Variants in TULP4 observed in about 807,000 individuals in gnomAD.
TULP4 encodes TUB like protein 4, also known as tubby-related protein 4.
A neutral mutation model predicts 129.0 loss-of-function variants in TULP4; 16 were observed. That is an observed-to-expected ratio of 0.12 (90% CI 0.08 to 0.19). The LOEUF is 0.19. Among genes scored for constraint, TULP4 ranks in the 10% least tolerant of loss-of-function variants. The pLI, the probability that TULP4 is intolerant of heterozygous loss-of-function variation, is 1.00. For synonymous variants in TULP4, 998 were observed against 854.0 expected (o/e 1.17, Z -2.94); for missense variants, 1,842 against 2,059.1 (o/e 0.89, Z 2.04).
chr6:158,471,753 G>C (rs574266730), intron 6 of TULP4, among the ~76,000 whole-genome samples: 1 of 152,304 alleles, frequency 6.6e-6, no homozygotes, highest in Non-Finnish European at 1.5e-5. Flanking sequence ...TGTCCCCACT[G>C]CCAGTTCATT....
chr6:158,293,897 A>G (rs1200912584), intron 1 of TULP4, among the ~76,000 whole-genome samples: 1 of 152,248 alleles, frequency 6.6e-6, no homozygotes, highest in African/African-American at 2.4e-5. Context: ...CAATAGCCAC[A>G]TAACGAGTGG....
At chr6:158,477,986 C>G (rs1443705788) in intron 6 of TULP4, among the ~76,000 whole-genome samples, 1 of 152,142 alleles carries the variant, frequency 6.6e-6, no homozygotes, top group Admixed American at 6.5e-5. Context: ...GGCCACTATC[C>G]TTAGCAAACT....
intron 6 of TULP4, among the ~76,000 whole-genome samples, chr6:158,472,556 G>A (rs595378): frequency 0.42 from 63,593 of 152,002 alleles, 14,605 homozygotes; most frequent in African/African-American, 0.62. Context: ...CTAATGATTC[G>A]AAAATCACAT....
intron 1 of TULP4, among the ~76,000 whole-genome samples, chr6:158,356,602 C>T (rs976222583): frequency 2.0e-5 from 3 of 152,052 alleles, no homozygotes; most frequent in African/African-American, 7.2e-5. Context: ...GTGGTTGGGG[C>T]TTAGGTGGTT....
chr6:158,499,743 G>A (rs926151460), intron 12 of TULP4, among the ~76,000 whole-genome samples: 3 of 152,174 alleles, frequency 2.0e-5, no homozygotes, highest in Non-Finnish European at 4.4e-5. Flanking sequence ...TTCTTGCAGT[G>A]GACATAGAGG....
chr6:158,376,206 A>G (rs967613625), intron 1 of TULP4, among the ~76,000 whole-genome samples: 11 of 152,096 alleles, frequency 7.2e-5, no homozygotes, highest in African/African-American at 2.4e-4. Context: ...AAAAGCGGTA[A>G]CCATTTCTCT....
intron 1 of TULP4, among the ~76,000 whole-genome samples, chr6:158,351,055 T>G (rs1317321230): frequency 6.6e-6 from 1 of 152,108 alleles, no homozygotes; most frequent in Non-Finnish European, 1.5e-5. Context: ...CGCCTGGCCC[T>G]GTTTTGGTCT....
chr6:158,481,114 C>T lies in TULP4; in HGVS notation c.1311C>T (p.Asn437=), dbSNP rs549860418. Residue 437 remains asparagine (N), a synonymous_variant, in exon 8 of 14, where the codon AAC becomes AAT. Coordinates refer to ENST00000367097, the MANE Select transcript of TULP4 (RefSeq NM_020245.5). ...RDFVSYPSAG[N]ERLHCTMKRT... is the part of the protein sequence containing the mutation. ...TTGTCAGCTACCCATCAGCCGGCAA[C>T]GAGCGGCTGCACTGCACCATGAAGC... 6.9e-6 allele frequency: 11 copies of T among 1,600,844 alleles called. No individual in the cohort carries two copies. Among genetic ancestry groups the T allele is most frequent in the South Asian group, 2.2e-5 (2 of 90,636 alleles).
At chr6:158,253,832 C>T (rs766478852) in intron 1 of TULP4, among the ~76,000 whole-genome samples, 7 of 151,996 alleles carry the variant, frequency 4.6e-5, no homozygotes, top group East Asian at 1.9e-4. Flanking sequence ...ATCAGGAGTT[C>T]GAGACCAGAC....
At chr6:158,364,967 C>T (rs1780894207) in intron 1 of TULP4, among the ~76,000 whole-genome samples, 1 of 152,020 alleles carries the variant, frequency 6.6e-6, no homozygotes, top group Non-Finnish European at 1.5e-5. Context: ...GATCTCCTGA[C>T]CTTGTGATCC....
At chr6:158,300,919 T>A (rs954821296) in intron 1 of TULP4, among the ~76,000 whole-genome samples, 1 of 152,192 alleles carries the variant, frequency 6.6e-6, no homozygotes, top group Non-Finnish European at 1.5e-5. Flanking sequence ...AGCATTGACA[T>A]GAGTGAGATT....
rs1167779035 is a variant in TULP4, at chr6:158,452,153, C to G, written c.744C>G (p.Pro248=). 2 of 1,614,040 alleles carry G rather than the reference C, an allele frequency of 1.2e-6. No homozygotes were observed. The highest frequency in any genetic ancestry group is 1.3e-5 in the African/African-American group (1 of 74,932). The change falls in exon 5 of 14, where the codon CCC becomes CCG. Residue 248 remains proline (P), a synonymous_variant. Transcript: ENST00000367097. Reference sequence around the variant, plus strand: ...CTGCAGATGGTCCGGCAGCATATCCCATCCCAGTGCAGAACATCAAGCCTC... The same window carrying G: ...CTGCAGATGGTCCGGCAGCATATCCGATCCCAGTGCAGAACATCAAGCCTC... The part of the protein sequence containing the change: ...APPQDGPAAY[P]IPVQNIKPLL...
chr6:158,283,303 T>C (rs1407827188), intron 1 of TULP4, among the ~76,000 whole-genome samples: 1 of 152,188 alleles, frequency 6.6e-6, no homozygotes, highest in East Asian at 1.9e-4. Context: ...GAAAATCATT[T>C]TTAGAAATTT....
chr6:158,396,880 G>A (rs1435910503), intron 1 of TULP4, among the ~76,000 whole-genome samples: 2 of 152,188 alleles, frequency 1.3e-5, no homozygotes, highest in Non-Finnish European at 2.9e-5. Context: ...ATCGGTGGAG[G>A]CTATTCTGTG....
At chr6:158,351,549 T>G (rs945494433) in intron 1 of TULP4, among the ~76,000 whole-genome samples, 1 of 152,140 alleles carries the variant, frequency 6.6e-6, no homozygotes, top group African/African-American at 2.4e-5. Context: ...CTGGTGGCAT[T>G]TCCTGGGAAA....
chr6:158,461,367 C>T (rs533962169), intron 5 of TULP4, among the ~76,000 whole-genome samples, 196 bp from the exon 6 acceptor site: 97 of 150,980 alleles, frequency 6.4e-4, no homozygotes, highest in African/African-American at 2.3e-3. Flanking sequence ...GCCGAGATCA[C>T]GCCATTGCAC....
intron 2 of TULP4, among the ~76,000 whole-genome samples, chr6:158,418,441 T>A (rs1030495199): frequency 2.6e-5 from 4 of 151,450 alleles, no homozygotes; most frequent in Non-Finnish European, 5.9e-5. Flanking sequence ...TACTTGGTTT[T>A]CTCTGGTTTT....
chr6:158,248,561 G>GC (rs1201620867), intron 1 of TULP4, among the ~76,000 whole-genome samples: 1 of 152,088 alleles, frequency 6.6e-6, no homozygotes, highest in Non-Finnish European at 1.5e-5. Context: ...GAGCCACCGT[G>GC]CCCGGCGTCT....
intron 1 of TULP4, among the ~76,000 whole-genome samples, chr6:158,288,688 G>A (rs1209794373): frequency 6.6e-6 from 1 of 152,070 alleles, no homozygotes; most frequent in African/African-American, 2.4e-5. Context: ...TTTTAGTAGA[G>A]ACGGGGTTTC....
Sources: gnomAD v4.1 joint callset for allele counts (sites outside exome capture counted in the v4.1 genomes callset) on GRCh38, gnomAD v4.1.1 for gene constraint, MANE v1.5 for transcripts, NCBI Gene and HGNC (gene_info 2026-07-23, HGNC 2026-07-21) for gene names.